TANC2: variants seen among roughly 807,000 people sequenced by gnomAD.
TANC2 encodes the protein tetratricopeptide repeat, ankyrin repeat and coiled-coil containing 2.
A neutral mutation model predicts 210.5 loss-of-function variants in TANC2; 26 were observed. The observed-to-expected ratio is 0.12, with a 90% CI of 0.09 to 0.17. The LOEUF (loss-of-function observed/expected upper bound fraction) is 0.17. Among genes scored for constraint, TANC2 ranks in the 10% least tolerant of loss-of-function variants. The pLI is 1.00. For missense variants in TANC2, 2,129 were observed against 2,608.9 expected (o/e 0.82, Z 4.01); for synonymous variants, 931 against 967.1 (o/e 0.96, Z 0.69).
At chr17:63,160,010 C>T (rs1476037591) in intron 5 of TANC2, among the ~76,000 whole-genome samples, 1 of 152,250 alleles carries the variant, frequency 6.6e-6, no homozygotes, top group Non-Finnish European at 1.5e-5. Context: ...TGCCTTCTCA[C>T]TGTGTCCTCA....
chr17:63,406,237 C>T lies in TANC2; in HGVS notation c.3549C>T (p.Ser1183=), dbSNP rs138962211. Residue 1183 remains serine (S), a synonymous_variant, in exon 21 of 28, where the codon TCC becomes TCT. Transcript: ENST00000689528. ...GCACTCCCCTGATGATGGCTGCTTC[C>T]GAAGGCCATCTAGGAACCGTGGACT... 3.6e-3 allele frequency: 5,878 copies of T among 1,613,914 alleles called. 13 individuals carry two copies. The highest frequency in any genetic ancestry group is 4.7e-3 in the Non-Finnish European group (5,559 of 1,179,846).
At chr17:63,270,669 AG>A (rs1026903921) in intron 9 of TANC2, among the ~76,000 whole-genome samples, 2 of 152,102 alleles carry the variant, frequency 1.3e-5, no homozygotes, top group Admixed American at 1.3e-4. Flanking sequence ...TCTGTGAAAT[AG>A]GTTTTTTTTA....
chr17:63,339,307 A>C (rs1192268836), intron 11 of TANC2, among the ~76,000 whole-genome samples: 1 of 152,100 alleles, frequency 6.6e-6, no homozygotes, highest in Non-Finnish European at 1.5e-5. Context: ...TCCAGATTAA[A>C]ATCCCCTTTG....
At position 63,410,836 on chromosome 17, in the gene TANC2, G is replaced by A. The variant is rs539540124; in HGVS notation, c.3590-675G>A. Among the ~76,000 whole-genome samples the A allele has an allele frequency of 6.2e-3, 729 of 117,264 alleles. 6 individuals are homozygous for A. The highest frequency in any genetic ancestry group is 9.2e-3 in the Non-Finnish European group (576 of 62,398). The allele number at this position is 117,264 out of a possible 152,430, so 76.9% of individuals were successfully genotyped here. A position where few individuals can be genotyped will look rare whatever the true frequency, so the allele number is the denominator to read the frequency against. ...AGATTGGGCCACTGCACTCCAGCCA[G>A]GGCAACGGAGCAAGACTCCATCTCA... On this transcript the variant is annotated intron_variant, in intron 21 of 27. Coordinates refer to ENST00000689528, the Ensembl canonical transcript of TANC2.
chr17:63,163,823 G>A (rs564934040), intron 5 of TANC2, among the ~76,000 whole-genome samples: 1 of 152,102 alleles, frequency 6.6e-6, no homozygotes, highest in African/African-American at 2.4e-5. Context: ...CTATTCTAAG[G>A]ATATCTGTCT....
rs200413440 is a variant in TANC2 at position 63,168,004 on chromosome 17, C to T, written c.433+16624C>T. Among the ~76,000 whole-genome samples, 9 of 152,078 alleles carry T rather than the reference C, an allele frequency of 5.9e-5. No homozygotes were observed. The East Asian group carries it at 7.7e-4, about 13-fold the overall frequency. On this transcript the variant is annotated intron_variant, in intron 5 of 27. Transcript: ENST00000689528. ...CCTAAAGCTAGGCATCTAAATACTC[C>T]CCTCTGCAACTAGAGAAATTCCCTA...
chr17:63,310,469 C>A (rs575424596), intron 9 of TANC2, among the ~76,000 whole-genome samples: 131 of 151,872 alleles, frequency 8.6e-4, no homozygotes, highest in Middle Eastern at 3.4e-3. Context: ...AATATTATTT[C>A]TAAAAGGAAG....
chr17:63,289,292 G>A (rs549024795), intron 9 of TANC2, among the ~76,000 whole-genome samples: 37 of 151,714 alleles, frequency 2.4e-4, no homozygotes, highest in Non-Finnish European at 5.0e-4. Context: ...TCTCCTTCTG[G>A]TATTCCCCAT....
intron 4 of TANC2, chr17:63,130,721 A>T (rs2038888358): frequency 6.6e-6 from 1 of 152,286 alleles, no homozygotes; most frequent in Non-Finnish European, 1.5e-5. Context: ...CTACTACACA[A>T]TTATACATAT....
At chr17:63,024,454 C>T (rs1293860932) in intron 2 of TANC2, among the ~76,000 whole-genome samples, 2 of 152,160 alleles carry the variant, frequency 1.3e-5, no homozygotes, top group African/African-American at 2.4e-5. Context: ...ACTCTCATTG[C>T]CATCTTGGTT....
At chr17:63,355,259 G>A (rs769222131) in exon 14 of TANC2, 1 of 1,613,582 alleles carries the variant, frequency 6.2e-7, no homozygotes, top group Non-Finnish European at 8.5e-7. Flanking sequence ...ATTTTCAGCA[G>A]AGAATGGAGA....
intron 9 of TANC2, among the ~76,000 whole-genome samples, chr17:63,298,916 C>G (rs1440526234): frequency 1.3e-5 from 2 of 152,114 alleles, no homozygotes; most frequent in African/African-American, 4.8e-5. Flanking sequence ...GCTCTTCCTC[C>G]CCTTGCCCCC....
At chr17:63,040,231 C>T (rs888249346) in intron 2 of TANC2, among the ~76,000 whole-genome samples, 2 of 152,030 alleles carry the variant, frequency 1.3e-5, no homozygotes, top group East Asian at 1.9e-4. Context: ...TTTGTAAGAA[C>T]GGCCATGTTG....
intron 19 of TANC2, among the ~76,000 whole-genome samples, chr17:63,400,232 C>T (rs1249510516): frequency 6.6e-6 from 1 of 152,180 alleles, no homozygotes; most frequent in Non-Finnish European, 1.5e-5. Flanking sequence ...CAAAAAGAGT[C>T]GTGTCCCCAT....
intron 20 of TANC2, among the ~76,000 whole-genome samples, chr17:63,405,876 A>G (rs557192005): frequency 1.3e-5 from 2 of 152,356 alleles, no homozygotes; most frequent in South Asian, 2.1e-4. Context: ...AACTTCCGCT[A>G]TGGGATTGTT....
intron 10 of TANC2, among the ~76,000 whole-genome samples, chr17:63,315,549 T>C (rs1370491596): frequency 6.6e-6 from 1 of 152,212 alleles, no homozygotes; most frequent in African/African-American, 2.4e-5. Flanking sequence ...ACTACATGTA[T>C]AGAACCAGTT....
intron 8 of TANC2, among the ~76,000 whole-genome samples, chr17:63,250,054 C>T (rs1429341493): frequency 6.9e-6 from 1 of 145,740 alleles, no homozygotes; most frequent in Admixed American, 6.8e-5. Context: ...TTGTCCTCAG[C>T]TGTTACAACC....
intron 21 of TANC2, 139 bp downstream of exon 21, chr17:63,406,416 C>T (rs1253920026): frequency 1.7e-6 from 2 of 1,184,756 alleles, no homozygotes; most frequent in Non-Finnish European, 2.4e-6. Flanking sequence ...CTATCTCCTC[C>T]CCTCTTGTAT....
chr17:63,044,844 T>C (rs1027395120), intron 2 of TANC2, among the ~76,000 whole-genome samples: 1 of 152,244 alleles, frequency 6.6e-6, no homozygotes, highest in Non-Finnish European at 1.5e-5. Flanking sequence ...TCTTTTCATA[T>C]GTTTTATAGG....
Sources: allele counts gnomAD v4.1 joint callset (sites outside exome capture counted in the v4.1 genomes callset), GRCh38; gene constraint gnomAD v4.1.1; transcripts MANE v1.5; gene names NCBI Gene and HGNC (gene_info 2026-07-23, HGNC 2026-07-21).